Variants in CNTN4 observed in about 807,000 individuals in gnomAD.
CNTN4 encodes the protein contactin 4.
A neutral mutation model predicts 122.5 loss-of-function variants in CNTN4; 77 were observed. The ratio of observed to expected loss-of-function variants is 0.63; its 90% CI spans 0.52 to 0.76. The LOEUF is 0.76. CNTN4 is among the 30% of genes least tolerant of loss of function. CNTN4 has a pLI of 0.00. For missense variants in CNTN4, 1,256 were observed against 1,259.1 expected, an observed-to-expected ratio of 1.00 and a Z score of 0.04; for synonymous variants, 512 against 447.0, an observed-to-expected ratio of 1.15 and a Z score of -1.83.
intron 13 of CNTN4, among the ~76,000 whole-genome samples, chr3:2,929,520 G>A (rs574998884): frequency 2.0e-5 from 3 of 152,258 alleles, no homozygotes; most frequent in Non-Finnish European, 2.9e-5. Flanking sequence ...AAGGACAAAC[G>A]AGAATTCATT....
intron 3 of CNTN4, among the ~76,000 whole-genome samples, chr3:2,384,638 CTT>C (rs775205091): frequency 6.6e-6 from 1 of 152,098 alleles, no homozygotes; most frequent in Non-Finnish European, 1.5e-5. Context: ...GTGGAAATCT[CTT>C]TTTCTTCTAT....
chr3:2,587,045 T>A (rs948903378), intron 4 of CNTN4, among the ~76,000 whole-genome samples: 2 of 152,218 alleles, frequency 1.3e-5, no homozygotes, highest in Non-Finnish European at 2.9e-5. Flanking sequence ...AGCTGTTCAT[T>A]TCCCTCTGAG....
chr3:2,115,340 T>G (rs746777295), intron 2 of CNTN4, among the ~76,000 whole-genome samples: 17 of 152,252 alleles, frequency 1.1e-4, no homozygotes, highest in Non-Finnish European at 1.8e-4. Context: ...TGTCCTCTAG[T>G]TCTTCCTTCT....
At chr3:2,378,523 C>G (rs1393576324) in intron 3 of CNTN4, among the ~76,000 whole-genome samples, 3 of 152,158 alleles carry the variant, frequency 2.0e-5, no homozygotes, top group Non-Finnish European at 4.4e-5. Flanking sequence ...GCAATCTCTG[C>G]TACTCTCATT....
At chr3:2,722,005 C>T (rs535209670) in intron 4 of CNTN4, among the ~76,000 whole-genome samples, 14 of 152,140 alleles carry the variant, frequency 9.2e-5, no homozygotes, top group Non-Finnish European at 1.9e-4. Flanking sequence ...GTGGGCTTCA[C>T]CAGACACCAA....
intron 6 of CNTN4, among the ~76,000 whole-genome samples, chr3:2,785,112 C>T (rs985506210): frequency 2.4e-5 from 3 of 127,422 alleles, no homozygotes; most frequent in African/African-American, 3.3e-5. Flanking sequence ...TTTGTACATG[C>T]GTACACACAC....
chr3:2,387,816 G>C (rs893606301), intron 3 of CNTN4, among the ~76,000 whole-genome samples: 1 of 152,012 alleles, frequency 6.6e-6, no homozygotes, highest in South Asian at 2.1e-4. Flanking sequence ...CCCATTATAC[G>C]TGAACTATGT....
chr3:2,841,621 G>T lies in CNTN4; in HGVS notation c.454+22040G>T, dbSNP rs1022385948. ...GGTTATTTCCTCAACCCTTTGTGAA[G>T]AAATCTTTTAATTTTTTGTGGGTCA... On this transcript the variant is annotated intron_variant, in intron 7 of 24. Coordinates refer to ENST00000418658, the MANE Select transcript of CNTN4 (RefSeq NM_175607.3). This position sits in a 1 kb window ranked among gnomAD's most constrained non-coding sequence, Gnocchi z 4.8. Among the ~76,000 whole-genome samples, 2 of 152,162 alleles carry T rather than the reference G, an allele frequency of 1.3e-5. No individual in the cohort carries two copies. Among genetic ancestry groups the T allele is most frequent in the African/African-American group, 2.4e-5 (1 of 41,448 alleles).
intron 7 of CNTN4, among the ~76,000 whole-genome samples, chr3:2,855,827 T>C (rs1178980038): frequency 2.0e-5 from 3 of 152,020 alleles, no homozygotes; most frequent in Non-Finnish European, 4.4e-5. Context: ...TCTGTCTTAG[T>C]AAACTCAGCA....
chr3:2,615,954 C>T (rs2081707059), intron 4 of CNTN4, among the ~76,000 whole-genome samples: 1 of 150,678 alleles, frequency 6.6e-6, no homozygotes, highest in African/African-American at 2.4e-5. Context: ...TTTAAAATAC[C>T]ATAAATTCCT....
In CNTN4 at chr3:2,943,605, A is replaced by T. The variant is rs533078263; in HGVS notation, c.1358+17826A>T. Among the ~76,000 whole-genome samples, 191 of 138,746 alleles carry T rather than the reference A, an allele frequency of 1.4e-3. 1 individual carries two copies. The highest frequency in any genetic ancestry group is 7.3e-3 in the Middle Eastern group (2 of 274). 91.0% of individuals were successfully genotyped at this position (138,746 alleles called of 152,430 possible). On this transcript the variant is annotated intron_variant, in intron 13 of 24. Coordinates refer to ENST00000418658, the MANE Select transcript of CNTN4 (RefSeq NM_175607.3). ...CTCCTAGGTAATATATAAATATATAAATATATTTATATATATATATATATA... is the reference window on the plus strand; with the variant it reads ...CTCCTAGGTAATATATAAATATATATATATATTTATATATATATATATATA...
At chr3:2,235,570 T>G (rs1373815657) in intron 2 of CNTN4, among the ~76,000 whole-genome samples, 1 of 152,178 alleles carries the variant, frequency 6.6e-6, no homozygotes, top group Non-Finnish European at 1.5e-5. Flanking sequence ...TTGTGTTGTC[T>G]GTTAACTGTT....
At chr3:2,231,782 A>G (rs2039497330) in intron 2 of CNTN4, among the ~76,000 whole-genome samples, 1 of 152,218 alleles carries the variant, frequency 6.6e-6, no homozygotes, top group Non-Finnish European at 1.5e-5. Flanking sequence ...GAGAAGAAAA[A>G]GCCAGAAAAT....
intron 3 of CNTN4, among the ~76,000 whole-genome samples, chr3:2,481,151 G>GT (rs1228297295): frequency 9.1e-6 from 1 of 109,542 alleles, no homozygotes; most frequent in Admixed American, 9.6e-5. Flanking sequence ...TTCTTTCTTT[G>GT]TTTTTTTGAA....
At chr3:2,509,507 A>G (rs1575803156) in intron 3 of CNTN4, among the ~76,000 whole-genome samples, 1 of 152,232 alleles carries the variant, frequency 6.6e-6, no homozygotes, top group South Asian at 2.1e-4. Flanking sequence ...CACTTTGCAT[A>G]TCATTACCAT....
At chr3:2,781,874 G>T (rs56132223) in intron 6 of CNTN4, among the ~76,000 whole-genome samples, 6 of 50,040 alleles carry the variant, frequency 1.2e-4, no homozygotes, top group Non-Finnish European at 8.5e-5. Context: ...GCAGGCGCCC[G>T]CACCACGCCC....
At chr3:2,771,345 A>C (rs2091091573) in intron 6 of CNTN4, among the ~76,000 whole-genome samples, 1 of 152,176 alleles carries the variant, frequency 6.6e-6, no homozygotes, top group Non-Finnish European at 1.5e-5. Context: ...GAAAATTGAA[A>C]CTGAAAAATA....
chr3:2,743,034 C>T (rs1352016666), intron 5 of CNTN4, among the ~76,000 whole-genome samples: 3 of 152,182 alleles, frequency 2.0e-5, no homozygotes, highest in Non-Finnish European at 4.4e-5. Flanking sequence ...AATGGACTTT[C>T]TGCACAGCAT....
intron 13 of CNTN4, among the ~76,000 whole-genome samples, chr3:2,961,528 A>AG (rs1470497358): frequency 1.3e-5 from 2 of 152,158 alleles, no homozygotes; most frequent in Non-Finnish European, 2.9e-5. Flanking sequence ...ACAACCCTTG[A>AG]GAGCATACCT....
Sources: allele counts gnomAD v4.1 joint callset (sites outside exome capture counted in the v4.1 genomes callset), GRCh38; gene constraint gnomAD v4.1.1; non-coding constraint Gnocchi (gnomAD v3.1); transcripts MANE v1.5; gene names NCBI Gene and HGNC (gene_info 2026-07-23, HGNC 2026-07-21).